The following RASAL2 variants were observed in gnomAD, a reference collection of about 807,000 sequenced individuals.
RASAL2 encodes the protein RAS protein activator like 2, also known as ras GTPase-activating protein nGAP.
In RASAL2, 58 loss-of-function variants were observed where a neutral mutation model predicts 128.9. That is an observed-to-expected ratio of 0.45 (90% CI 0.36 to 0.56). The LOEUF is 0.56. RASAL2 is among the 20% of genes least tolerant of loss of function. RASAL2 has a pLI of 0.00. For synonymous variants in RASAL2, 561 were observed against 580.8 expected, an observed-to-expected ratio of 0.97 and a Z score of 0.49; for missense variants, 1,360 against 1,601.6, an observed-to-expected ratio of 0.85 and a Z score of 2.57.
Position 178,237,781 on chromosome 1 carries a change from A to G in RASAL2, c.203-45783A>G, listed in dbSNP as rs76211199. On this transcript the variant is annotated intron_variant, in intron 1 of 17. Transcript: ENST00000367649. ...TTTAGGTGTACAGTTCAGTGGCATA[A>G]GTAGCTTCACATTGTTGTTCAACCA... Among the ~76,000 whole-genome samples, 771 of 152,306 alleles carry G rather than the reference A, an allele frequency of 5.1e-3. 15 individuals are homozygous for G. The highest frequency in any genetic ancestry group is 0.018 in the African/African-American group (742 of 41,570).
chr1:178,472,211 C>A (rs563225871), intron 17 of RASAL2, among the ~76,000 whole-genome samples: 1 of 152,238 alleles, frequency 6.6e-6, no homozygotes, highest in Admixed American at 6.5e-5. Context: ...GTCCTACTTT[C>A]CTTTAGTTAG....
chr1:178,141,514 C>T (rs924783533), intron 1 of RASAL2, among the ~76,000 whole-genome samples: 4 of 151,974 alleles, frequency 2.6e-5, no homozygotes, highest in Non-Finnish European at 4.4e-5. Context: ...AATTGTTAGT[C>T]GGCCTAGGAA....
At chr1:178,260,424 T>A in intron 1 of RASAL2, among the ~76,000 whole-genome samples, 2 of 111,626 alleles carry the variant, frequency 1.8e-5, no homozygotes, top group Non-Finnish European at 3.6e-5. Context: ...ATGATAATAA[T>A]TTTAGCAAAC....
chr1:178,473,000 G>A, intron 17 of RASAL2, 75 bp from the exon 18 acceptor site: 2 of 1,517,088 alleles, frequency 1.3e-6, no homozygotes, highest in Non-Finnish European at 1.8e-6. Flanking sequence ...GAAAGCACTG[G>A]ACTAGTCATT....
chr1:178,161,496 T>A (rs1661293696), intron 1 of RASAL2, among the ~76,000 whole-genome samples: 1 of 152,252 alleles, frequency 6.6e-6, no homozygotes, highest in African/African-American at 2.4e-5. Flanking sequence ...AGTCATTATT[T>A]GAATATACCA....
chr1:178,173,154 T>A (rs1409610166), intron 1 of RASAL2, among the ~76,000 whole-genome samples: 1 of 152,082 alleles, frequency 6.6e-6, no homozygotes, highest in African/African-American at 2.4e-5. Context: ...GAGAGAACTC[T>A]GCATTTCCAT....
chr1:178,107,657 A>G (rs1403666248), intron 1 of RASAL2, among the ~76,000 whole-genome samples: 1 of 152,028 alleles, frequency 6.6e-6, no homozygotes, highest in Non-Finnish European at 1.5e-5. Context: ...GGTAACCTCT[A>G]TTCTTTCTGT....
intron 3 of RASAL2, among the ~76,000 whole-genome samples, chr1:178,308,228 C>T (rs925519049): frequency 6.6e-6 from 1 of 151,978 alleles, no homozygotes; most frequent in African/African-American, 2.4e-5. Context: ...CCGATATATT[C>T]TAGCAAGCCT....
chr1:178,345,494 C>T (rs1012617042), intron 3 of RASAL2, among the ~76,000 whole-genome samples: 18 of 152,072 alleles, frequency 1.2e-4, no homozygotes, highest in South Asian at 2.1e-4. Context: ...TGTAACAGCA[C>T]TGTTGTGTAA....
intron 3 of RASAL2, among the ~76,000 whole-genome samples, chr1:178,354,197 A>G (rs1445770745): frequency 6.6e-6 from 1 of 152,238 alleles, no homozygotes; most frequent in Non-Finnish European, 1.5e-5. Flanking sequence ...AATGCAAAGT[A>G]GATTTAATAT....
chr1:178,167,211 C>T (rs1661547455), intron 1 of RASAL2, among the ~76,000 whole-genome samples: 1 of 152,076 alleles, frequency 6.6e-6, no homozygotes, highest in Admixed American at 6.6e-5. Context: ...TATTTAAACA[C>T]AGCACATAAT....
chr1:178,146,111 G>A (rs1203953443), intron 1 of RASAL2, among the ~76,000 whole-genome samples: 1 of 152,122 alleles, frequency 6.6e-6, no homozygotes. Flanking sequence ...ATTGATTATT[G>A]CAAATTTTCA....
At chr1:178,213,699 A>G (rs1663330746) in intron 1 of RASAL2, among the ~76,000 whole-genome samples, 1 of 151,532 alleles carries the variant, frequency 6.6e-6, no homozygotes, top group Admixed American at 6.6e-5. Flanking sequence ...GAGTAAAACT[A>G]ATCTGTATGA....
chr1:178,246,674 G>GC (rs1168254379), intron 1 of RASAL2, among the ~76,000 whole-genome samples: 1 of 152,054 alleles, frequency 6.6e-6, no homozygotes, highest in Non-Finnish European at 1.5e-5. Context: ...TCCAGTTTTT[G>GC]CCCATTCAGT....
chr1:178,180,485 CAAAAAAAA>C (rs71108033), intron 1 of RASAL2, among the ~76,000 whole-genome samples: 4 of 72,562 alleles, frequency 5.5e-5, no homozygotes, highest in African/African-American at 1.0e-4. Context: ...TCATCTCTAC[CAAAAAAAA>C]AAAAAAAAAA....
chr1:178,182,180 A>T (rs1022429221), intron 1 of RASAL2, among the ~76,000 whole-genome samples: 1 of 152,190 alleles, frequency 6.6e-6, no homozygotes, highest in Admixed American at 6.5e-5. Flanking sequence ...ACTATCCAAT[A>T]GTTCTTTATA....
intron 14 of RASAL2, among the ~76,000 whole-genome samples, chr1:178,461,720 A>G (rs951252193): frequency 2.0e-5 from 3 of 152,124 alleles, no homozygotes; most frequent in South Asian, 4.1e-4. Context: ...CTCTTAACCA[A>G]CCTCTTCAAG....
intron 1 of RASAL2, among the ~76,000 whole-genome samples, chr1:178,195,814 C>T (rs1361703090): frequency 6.6e-6 from 1 of 152,038 alleles, no homozygotes; most frequent in Non-Finnish European, 1.5e-5. Context: ...TTATGATGAG[C>T]TCTGAATTAA....
intron 1 of RASAL2, among the ~76,000 whole-genome samples, chr1:178,237,365 A>T (rs548602612): frequency 6.6e-6 from 1 of 152,104 alleles, no homozygotes; most frequent in Non-Finnish European, 1.5e-5. Context: ...TTCCCATATG[A>T]GGATATACAT....
Sources: allele counts gnomAD v4.1 joint callset (sites outside exome capture counted in the v4.1 genomes callset), GRCh38; gene constraint gnomAD v4.1.1; transcripts MANE v1.5; gene names NCBI Gene and HGNC (gene_info 2026-07-23, HGNC 2026-07-21).